The following CERS3 variants were observed in gnomAD, a reference collection of about 807,000 sequenced individuals.
CERS3 encodes the protein ceramide synthase 3.
A neutral mutation model predicts 50.3 loss-of-function variants in CERS3; 33 were observed. The ratio of observed to expected loss-of-function variants is 0.66; its 90% CI spans 0.50 to 0.88. The LOEUF is 0.88. Ranked by LOEUF, CERS3 falls within the 40% of genes least tolerant of loss-of-function variation. The pLI is 0.00. For synonymous variants in CERS3, 176 were observed against 155.2 expected, an observed-to-expected ratio of 1.13 and a Z score of -0.99; for missense variants, 470 against 460.3, an observed-to-expected ratio of 1.02 and a Z score of -0.19.
At chr15:100,467,896 G>GATATAT (rs1158501639) in intron 10 of CERS3, among the ~76,000 whole-genome samples, 12 of 42,698 alleles carry the variant, frequency 2.8e-4, no homozygotes, top group Admixed American at 8.4e-4. Flanking sequence ...TATAGATATA[G>GATATAT]ATATATTTAA....
Position 100,455,936 on chromosome 15 carries a change from C to A in CERS3, c.956G>T (p.Gly319Val). ...GTTGAGCATCTTCAAGATGTAATAA[C>A]CCCAGTAAAGGTGAAGGACCTGCAA... is the stretch of plus-strand genomic sequence containing the variant. ...MILQVLHLYW[G>V]YYILKMLNRC... The change falls in exon 11 of 12, where the codon GGT becomes GTT. Residue 319 changes from glycine (G) to valine (V), a missense_variant. By Grantham distance (109) the Gly-to-Val change is moderately radical. Transcript: ENST00000679737. The A allele has an allele frequency of 1.2e-6, 2 of 1,612,984 alleles. No individual in the cohort carries two copies. Among genetic ancestry groups the A allele is most frequent in the Non-Finnish European group, 1.7e-6 (2 of 1,179,392 alleles).
At chr15:100,446,985 C>A (rs1353911264) in intron 11 of CERS3, among the ~76,000 whole-genome samples, 1 of 152,188 alleles carries the variant, frequency 6.6e-6, no homozygotes, top group Non-Finnish European at 1.5e-5. Flanking sequence ...TAATAGATAG[C>A]AGCCCCTGAA....
At chr15:100,416,639 A>G (rs774509473) in intron 11 of CERS3, among the ~76,000 whole-genome samples, 1 of 152,192 alleles carries the variant, frequency 6.6e-6, no homozygotes, top group Non-Finnish European at 1.5e-5. Context: ...AAGAGTGAGC[A>G]ATAAAGGAGG....
chr15:100,448,721 T>A (rs1298910786), intron 11 of CERS3, among the ~76,000 whole-genome samples: 2 of 152,246 alleles, frequency 1.3e-5, no homozygotes, highest in Non-Finnish European at 2.9e-5. Flanking sequence ...CTGCTGTGGC[T>A]GGCTGTTGCT....
At chr15:100,466,222 A>T (rs2034710546) in intron 10 of CERS3, among the ~76,000 whole-genome samples, 1 of 152,116 alleles carries the variant, frequency 6.6e-6, no homozygotes, top group Non-Finnish European at 1.5e-5. Flanking sequence ...ACTGAGCACC[A>T]CTGTGTTGCT....
At chr15:100,505,286 T>C (rs1474792184) in intron 2 of CERS3, among the ~76,000 whole-genome samples, 1 of 152,250 alleles carries the variant, frequency 6.6e-6, no homozygotes, top group Non-Finnish European at 1.5e-5. Context: ...TTTTGTATCA[T>C]GTGAAATATA....
chr15:100,405,241 A>AG (rs2030907968), intron 11 of CERS3, among the ~76,000 whole-genome samples: 1 of 117,150 alleles, frequency 8.5e-6, no homozygotes, highest in Admixed American at 8.3e-5. Flanking sequence ...GGTAAAAAAA[A>AG]AAAAAAACAA....
At chr15:100,410,187 C>A (rs1028353147) in intron 11 of CERS3, among the ~76,000 whole-genome samples, 2 of 152,160 alleles carry the variant, frequency 1.3e-5, no homozygotes, top group African/African-American at 4.8e-5. Context: ...GTCTCTGCCC[C>A]CAACGACTCC....
chr15:100,523,136 A>G (rs1007474956), intron 1 of CERS3, among the ~76,000 whole-genome samples: 1 of 152,160 alleles, frequency 6.6e-6, no homozygotes, highest in Non-Finnish European at 1.5e-5. Flanking sequence ...TCTGTGAAGT[A>G]CCTGTTCAAA....
chr15:100,503,661 G>C (rs1187264845), intron 2 of CERS3: 1 of 470,466 alleles, frequency 2.1e-6, no homozygotes. Context: ...AGTGGAATGA[G>C]GACTGGATTT....
At chr15:100,476,547 T>C (rs1434498140) in intron 7 of CERS3, among the ~76,000 whole-genome samples, 1 of 152,204 alleles carries the variant, frequency 6.6e-6, no homozygotes, top group Non-Finnish European at 1.5e-5. Context: ...TTTACTTTGA[T>C]TAATGTTTCT....
At chr15:100,512,518 C>T (rs562907100) in intron 2 of CERS3, among the ~76,000 whole-genome samples, 3 of 152,250 alleles carry the variant, frequency 2.0e-5, no homozygotes, top group South Asian at 2.1e-4. Flanking sequence ...CAGCAAGTTC[C>T]GCTGGTACCA....
chr15:100,403,693 G>T (rs1188651415), intron 11 of CERS3, among the ~76,000 whole-genome samples: 1 of 152,200 alleles, frequency 6.6e-6, no homozygotes, highest in Non-Finnish European at 1.5e-5. Flanking sequence ...ACTTGCCCCA[G>T]CCGAAACAGG....
At chr15:100,519,596 G>C (rs1189671251) in intron 2 of CERS3, among the ~76,000 whole-genome samples, 1 of 152,150 alleles carries the variant, frequency 6.6e-6, no homozygotes, top group Non-Finnish European at 1.5e-5. Flanking sequence ...TTTGGGGAGA[G>C]GGAAAGCCTT....
intron 11 of CERS3, among the ~76,000 whole-genome samples, chr15:100,428,260 C>T (rs1180943921): frequency 6.6e-6 from 1 of 152,228 alleles, no homozygotes; most frequent in African/African-American, 2.4e-5. Context: ...TAAAGAAATA[C>T]TAACCAGCTA....
At chr15:100,460,329 T>TA (rs918065137) in intron 10 of CERS3, among the ~76,000 whole-genome samples, 3 of 152,262 alleles carry the variant, frequency 2.0e-5, no homozygotes, top group African/African-American at 4.8e-5. Context: ...GAGCACCTAC[T>TA]AAAGTGCTAC....
At chr15:100,443,423 C>T (rs1178587619) in intron 11 of CERS3, among the ~76,000 whole-genome samples, 1 of 148,438 alleles carries the variant, frequency 6.7e-6, no homozygotes, top group Non-Finnish European at 1.5e-5. Flanking sequence ...CAAGTTAGTT[C>T]AGGATCTATG....
intron 4 of CERS3, 184 bp downstream of exon 4, chr15:100,490,633 A>G (rs563444903): frequency 1.3e-4 from 67 of 520,612 alleles, no homozygotes; most frequent in Non-Finnish European, 2.1e-4. Context: ...TTATATTATC[A>G]TATGTATCAC....
intron 2 of CERS3, among the ~76,000 whole-genome samples, chr15:100,507,508 C>T (rs2036220070): frequency 6.6e-6 from 1 of 152,254 alleles, no homozygotes; most frequent in Non-Finnish European, 1.5e-5. Flanking sequence ...ACCATGGCTG[C>T]TCTCAGGCCA....
Sources: allele counts gnomAD v4.1 joint callset (sites outside exome capture counted in the v4.1 genomes callset), GRCh38; gene constraint gnomAD v4.1.1; transcripts MANE v1.5; gene names NCBI Gene and HGNC (gene_info 2026-07-23, HGNC 2026-07-21).